The following SLC14A2 variants were observed in gnomAD, a reference collection of about 807,000 sequenced individuals.
SLC14A2 encodes the protein solute carrier family 14 member 2.
A neutral mutation model predicts 104.6 loss-of-function variants in SLC14A2; 91 were observed. The observed-to-expected ratio is 0.87, with a 90% CI of 0.73 to 1.04. The LOEUF (loss-of-function observed/expected upper bound fraction) is 1.04, where lower values mean the gene tolerates loss of function less well. Among genes scored for constraint, SLC14A2 ranks in the 50% least tolerant of loss-of-function variants. SLC14A2 has a pLI of 0.00. For synonymous variants in SLC14A2, 476 were observed against 466.4 expected (o/e 1.02, Z -0.27); for missense variants, 1,189 against 1,156.0 (o/e 1.03, Z -0.41).
intron 10 of SLC14A2, among the ~76,000 whole-genome samples, chr18:45,663,048 C>T (rs533737548): frequency 5.5e-4 from 84 of 152,338 alleles, no homozygotes; most frequent in African/African-American, 2.0e-3. Flanking sequence ...CAGCAGAGTG[C>T]TTCTTGTAGC....
chr18:45,672,943 G>C lies in SLC14A2; in HGVS notation c.2273G>C (p.Cys758Ser). The change falls in exon 17 of 20, where the codon TGT becomes TCT. Residue 758 changes from cysteine (C) to serine (S), a missense_variant. Coordinates refer to ENST00000255226, the MANE Select transcript of SLC14A2 (RefSeq NM_007163.4). ...IPVGIGQVYGCDNPWTGGIFL... is the reference protein window; with the variant it reads ...IPVGIGQVYGSDNPWTGGIFL... ...GTTGGAATTGGCCAAGTGTACGGCT[G>C]TGATAACCCCTGGACTGGAGGCATC... The C allele has an allele frequency of 6.2e-7, 1 of 1,614,146 alleles. No individual in the cohort carries two copies. The highest frequency in any genetic ancestry group is 1.3e-5 in the African/African-American group (1 of 75,032).
At chr18:45,375,288 G>A (rs1298046677) in intron 1 of SLC14A2, among the ~76,000 whole-genome samples, 1 of 152,218 alleles carries the variant, frequency 6.6e-6, no homozygotes, top group Admixed American at 6.5e-5. Flanking sequence ...TGCAGCTGGA[G>A]GCTAAAAGAT....
At chr18:45,636,732 A>T (rs912763606) in intron 5 of SLC14A2, among the ~76,000 whole-genome samples, 2 of 152,250 alleles carry the variant, frequency 1.3e-5, no homozygotes, top group Admixed American at 6.5e-5. Context: ...CGATATTTTT[A>T]AAATTTGTTT....
intron 10 of SLC14A2, among the ~76,000 whole-genome samples, chr18:45,661,213 G>A (rs1403805832): frequency 6.6e-6 from 1 of 152,180 alleles, no homozygotes; most frequent in Non-Finnish European, 1.5e-5. Flanking sequence ...CCATCAGCAA[G>A]CCCAGCACTC....
intron 1 of SLC14A2, among the ~76,000 whole-genome samples, chr18:45,304,719 C>T (rs1358074560): frequency 3.9e-5 from 6 of 152,152 alleles, no homozygotes; most frequent in African/African-American, 1.4e-4. Flanking sequence ...GAGGAGAGAG[C>T]AGCCTAACTA....
chr18:45,539,772 C>T (rs968652251), intron 2 of SLC14A2, among the ~76,000 whole-genome samples: 16 of 151,750 alleles, frequency 1.1e-4, no homozygotes, highest in South Asian at 4.2e-4. Flanking sequence ...CCTGTGTTGA[C>T]GATTTATAGT....
chr18:45,577,734 T>C (rs541539592), intron 2 of SLC14A2, among the ~76,000 whole-genome samples: 3 of 152,242 alleles, frequency 2.0e-5, no homozygotes, highest in African/African-American at 7.2e-5. Context: ...AACATGTCCA[T>C]AGTGAAATTT....
At chr18:45,511,402 T>G (rs1177355031) in intron 2 of SLC14A2, among the ~76,000 whole-genome samples, 1 of 152,160 alleles carries the variant, frequency 6.6e-6, no homozygotes, top group African/African-American at 2.4e-5. Context: ...AGTGGATCCT[T>G]TTGGGATCCA....
At chr18:45,297,851 G>T (rs1045946227) in intron 1 of SLC14A2, among the ~76,000 whole-genome samples, 1 of 152,126 alleles carries the variant, frequency 6.6e-6, no homozygotes, top group Non-Finnish European at 1.5e-5. Flanking sequence ...CCACGGAACT[G>T]ACCACATGGT....
intron 1 of SLC14A2, among the ~76,000 whole-genome samples, chr18:45,237,103 A>G (rs1442665763): frequency 6.6e-6 from 1 of 152,140 alleles, no homozygotes; most frequent in Non-Finnish European, 1.5e-5. Flanking sequence ...TCAGCCATAG[A>G]AAGAACATAG....
At chr18:45,255,444 C>T (rs145932661) in intron 1 of SLC14A2, among the ~76,000 whole-genome samples, 1 of 152,280 alleles carries the variant, frequency 6.6e-6, no homozygotes, top group African/African-American at 2.4e-5. Flanking sequence ...CAGCTTTGTC[C>T]GGGGCTCCAT....
At chr18:45,661,148 T>C (rs2045930083) in intron 10 of SLC14A2, among the ~76,000 whole-genome samples, 1 of 152,240 alleles carries the variant, frequency 6.6e-6, no homozygotes. Flanking sequence ...ACTGGCCTTC[T>C]GTAGCCATGT....
At chr18:45,607,313 A>G (rs2044888844) in intron 2 of SLC14A2, among the ~76,000 whole-genome samples, 1 of 152,164 alleles carries the variant, frequency 6.6e-6, no homozygotes, top group African/African-American at 2.4e-5. Context: ...AAAACTGTGA[A>G]ACCAACAGAT....
chr18:45,373,277 A>G (rs1179222899), intron 1 of SLC14A2, among the ~76,000 whole-genome samples: 8 of 152,074 alleles, frequency 5.3e-5, no homozygotes, highest in African/African-American at 1.9e-4. Flanking sequence ...CTATCTTCAC[A>G]CATTTATATT....
chr18:45,479,626 G>A (rs967487690), intron 1 of SLC14A2, among the ~76,000 whole-genome samples: 5 of 152,106 alleles, frequency 3.3e-5, no homozygotes, highest in African/African-American at 4.8e-5. Flanking sequence ...CTATATAGTC[G>A]GTTTTTCTTT....
rs62090757 is a variant in SLC14A2 at position 45,439,976 on chromosome 18, C to T, written c.-124-43257C>T. On this transcript the variant is annotated intron_variant, in intron 1 of 20. Transcript: ENST00000586448. ...AGCATTGGAAAGCTAGTTGCAGTGC[C>T]CTGTGACTGGTTTAACTGAGTGTTT... 1.3e-3 allele frequency among the ~76,000 whole-genome samples: 193 copies of T among 152,240 alleles called. 1 individual carries two copies. The highest frequency in any genetic ancestry group is 3.4e-3 in the Middle Eastern group (1 of 294).
rs67864793 is a variant in SLC14A2 at position 45,250,755 on chromosome 18, C to CTTTTTTTTTTTTTTT, written c.-125+37571_-125+37585dup. Among the ~76,000 whole-genome samples, 151 of 93,846 alleles carry CTTTTTTTTTTTTTTT rather than the reference C, an allele frequency of 1.6e-3. 1 individual carries two copies. The highest frequency in any genetic ancestry group is 6.1e-3 in the African/African-American group (140 of 22,902). The allele number at this position is 93,846 out of a possible 152,430, so 61.6% of individuals were successfully genotyped here. On this transcript the variant is annotated intron_variant, in intron 1 of 20. Transcript: ENST00000586448. ...GAATCCTCTGGCTAGTGGCTTCTTC[C>CTTTTTTTTTTTTTTT]TTTTTTTTTTTTTTTTTTTTTGGCT... is the stretch of plus-strand genomic sequence containing the variant.
chr18:45,303,308 C>T (rs1435440282), intron 1 of SLC14A2, among the ~76,000 whole-genome samples: 1 of 152,200 alleles, frequency 6.6e-6, no homozygotes, highest in Non-Finnish European at 1.5e-5. Flanking sequence ...TGAAGTATGG[C>T]TGCTGGGATT....
intron 1 of SLC14A2, among the ~76,000 whole-genome samples, chr18:45,318,094 G>T (rs377355611): frequency 6.6e-6 from 1 of 152,174 alleles, no homozygotes; most frequent in East Asian, 1.9e-4. Flanking sequence ...TTTTGATTAG[G>T]TGAATAAATA....
Sources: gnomAD v4.1 joint callset for allele counts (sites outside exome capture counted in the v4.1 genomes callset) on GRCh38, gnomAD v4.1.1 for gene constraint, MANE v1.5 for transcripts, NCBI Gene and HGNC (gene_info 2026-07-23, HGNC 2026-07-21) for gene names.